Variants in FIGNL2 observed in about 807,000 individuals in gnomAD.
The protein encoded by FIGNL2 is fidgetin-like protein 2.
For synonymous variants in FIGNL2, 565 were observed against 484.0 expected, an observed-to-expected ratio of 1.17 and a Z score of -2.20; for missense variants, 1,060 against 950.2, an observed-to-expected ratio of 1.12 and a Z score of -1.52.
chr12:51,820,346 T>C lies in FIGNL2; in HGVS notation c.*106A>G. ...ACCCCTCCTGTCCCCGATCCCACAT[T>C]CACCACTCCAGCCCCTGCCAGCCGG... On this transcript the variant is annotated 3_prime_UTR_variant, in exon 2 of 2. Coordinates refer to ENST00000618634, the MANE Select transcript of FIGNL2 (RefSeq NM_001384995.1). 1 of 1,413,614 alleles carries C rather than the reference T, an allele frequency of 7.1e-7. No homozygotes were observed. Among genetic ancestry groups the C allele is most frequent in the Admixed American group, 2.6e-5 (1 of 38,806 alleles). 87.6% of individuals were successfully genotyped at this position (1,413,614 alleles called of 1,614,324 possible). A position where few individuals can be genotyped will look rare whatever the true frequency, so the allele number is the denominator to read the frequency against.
chr12:51,821,945 C>T lies in FIGNL2; in HGVS notation c.469G>A (p.Glu157Lys), dbSNP rs1458987776. ...NACGGPSAAP[E>K]YAAGYGGGYL... ...CCCCCGCCGTAGCCGGCCGCGTACT[C>T]GGGCGCCGCCGATGGGCCCCCGCAC... Residue 157 changes from glutamate (E) to lysine (K), a missense_variant, in exon 2 of 2, where the codon GAG becomes AAG. By Grantham distance (56) the Glu-to-Lys change is moderately conservative. Transcript: ENST00000618634. 1.3e-6 allele frequency: 2 copies of T among 1,523,790 alleles called. No homozygotes were observed. Among genetic ancestry groups the T allele is most frequent in the South Asian group, 1.2e-5 (1 of 81,802 alleles). The allele number at this position is 1,523,790 out of a possible 1,614,324, so 94.4% of individuals were successfully genotyped here.
intron 1 of FIGNL2, chr12:51,837,825 C>T (rs527336637): frequency 2.0e-5 from 3 of 152,282 alleles, no homozygotes; most frequent in Non-Finnish European, 4.4e-5. Flanking sequence ...ACCCTAGTCC[C>T]TGCCACCAAA....
Position 51,821,984 on chromosome 12 carries a change from A to T in FIGNL2, c.430T>A (p.Tyr144Asn). Residue 144 changes from tyrosine (Y) to asparagine (N), a missense_variant, in exon 2 of 2, where the codon TAC (tyrosine) becomes AAC (asparagine). Transcript: ENST00000618634. Reference sequence around the variant, plus strand: ...GGGCCCCCGCACGCATTGCCGGCGTAGAGGGGTTCAGGGAGGTTCCCGGCT... The same window carrying T: ...GGGCCCCCGCACGCATTGCCGGCGTTGAGGGGTTCAGGGAGGTTCCCGGCT... ...VLAGNLPEPL[Y>N]AGNACGGPSA... The T allele has an allele frequency of 6.3e-7, 1 of 1,576,412 alleles. No homozygotes were observed. The highest frequency in any genetic ancestry group is 8.6e-7 in the Non-Finnish European group (1 of 1,162,390).
At position 51,828,785 on chromosome 12, in the gene FIGNL2, G is replaced by C. The variant is rs1939396047; in HGVS notation, c.-11-6361C>G. Among the ~76,000 whole-genome samples the C allele has an allele frequency of 2.6e-5, 4 of 152,334 alleles. No individual in the cohort carries two copies. The South Asian group carries it at 8.3e-4, about 32-fold the overall frequency. ...GCTGTCACTCTGTGATCATGGCCAA[G>C]ACATGAGTTAACCTTACTAAACTCC... On this transcript the variant is annotated intron_variant, in intron 1 of 1. Transcript: ENST00000618634.
In FIGNL2 at chr12:51,819,203, T is replaced by G. The variant is rs536801822; in HGVS notation, c.*1249A>C. ...CTTTCTGCTTAGGTCACCTTCCCAT[T>G]TGGGCCCTCCCACCCTACCTTCTGG... On this transcript the variant is annotated 3_prime_UTR_variant, in exon 2 of 2. Coordinates refer to ENST00000618634, the MANE Select transcript of FIGNL2 (RefSeq NM_001384995.1). The G allele has an allele frequency of 3.9e-5, 6 of 152,294 alleles. No individual in the cohort carries two copies. The South Asian group carries it at 1.2e-3, about 32-fold the overall frequency. The allele number at this position is 152,294 out of a possible 1,614,324, so 9.4% of individuals were successfully genotyped here.
At chr12:51,829,090 G>A (rs564335947) in intron 1 of FIGNL2, among the ~76,000 whole-genome samples, 4 of 152,364 alleles carry the variant, frequency 2.6e-5, no homozygotes, top group African/African-American at 9.6e-5. Flanking sequence ...GCAGCTGTGA[G>A]TCGGCTCCAG....
intron 1 of FIGNL2, among the ~76,000 whole-genome samples, chr12:51,830,297 AAAG>A (rs1219502662): frequency 2.2e-4 from 33 of 150,712 alleles, no homozygotes; most frequent in East Asian, 1.9e-4. Context: ...TCAAAAAAAA[AAAG>A]AAGAAGAAGA....
Position 51,821,230 on chromosome 12 carries a change from G to C in FIGNL2, c.1184C>G (p.Ala395Gly). 6.6e-7 allele frequency: 1 copy of C among 1,523,574 alleles called. No individual in the cohort carries two copies. The allele number at this position is 1,523,574 out of a possible 1,614,324, so 94.4% of individuals were successfully genotyped here. A position where few individuals can be genotyped will look rare whatever the true frequency, so the allele number is the denominator to read the frequency against. ...CGCCGCCTTGAGCGCGCCCTGGCCC[G>C]CCACATCCGCCCACTGCACCGGGGG... is the stretch of plus-strand genomic sequence containing the variant. ...CGPPVQWADVAGQGALKAALE... is the reference protein window; with the variant it reads ...CGPPVQWADVGGQGALKAALE... Residue 395 changes from alanine to glycine, a missense_variant, in exon 2 of 2, where the codon GCG becomes GGG. Coordinates refer to ENST00000618634, the MANE Select transcript of FIGNL2 (RefSeq NM_001384995.1).
intron 1 of FIGNL2, among the ~76,000 whole-genome samples, chr12:51,837,613 C>G (rs899830771): frequency 2.6e-5 from 4 of 152,234 alleles, no homozygotes; most frequent in South Asian, 2.1e-4. Flanking sequence ...CTCCCCACCC[C>G]CTTCTTCCCA....
chr12:51,822,324 G>C lies in FIGNL2; in HGVS notation c.90C>G (p.His30Gln), dbSNP rs1387912001. Residue 30 changes from histidine (H) to glutamine (Q), a missense_variant, in exon 2 of 2, where the codon CAC becomes CAG. His to Gln is a conservative substitution (Grantham distance 24). Transcript: ENST00000618634. Reference protein sequence around the residue: ...DVSSTTPSPAHKLELPPGGRQ... With the variant: ...DVSSTTPSPAQKLELPPGGRQ... ...GACCCCCAGGGGGCAACTCCAACTT[G>C]TGGGCCGGCGACGGGGTGGTGGAGG... 1.2e-6 allele frequency: 2 copies of C among 1,613,138 alleles called. No individual in the cohort carries two copies. The highest frequency in any genetic ancestry group is 8.5e-7 in the Non-Finnish European group (1 of 1,179,630).
chr12:51,847,381 T>TC (rs1231766192), intron 1 of FIGNL2: 1 of 984,774 alleles, frequency 1.0e-6, no homozygotes, highest in East Asian at 1.1e-4. Flanking sequence ...TGGAACCGGG[T>TC]CCCCACTCCT....
intron 1 of FIGNL2, chr12:51,844,603 T>A: frequency 2.6e-6 from 2 of 761,796 alleles, no homozygotes; most frequent in Non-Finnish European, 3.2e-6. Context: ...TTCACTCTAT[T>A]TTCTCACCTC....
chr12:51,846,705 T>C (rs1357378859), intron 1 of FIGNL2, among the ~76,000 whole-genome samples: 2 of 151,678 alleles, frequency 1.3e-5, no homozygotes, highest in Admixed American at 1.3e-4. Context: ...TCTCAGCCCC[T>C]TCTGTTTCTT....
intron 1 of FIGNL2, chr12:51,844,944 G>T: frequency 2.2e-6 from 2 of 895,646 alleles, no homozygotes; most frequent in Non-Finnish European, 2.7e-6. Context: ...GGAAACCCAG[G>T]CTGCAGGCAT....
chr12:51,840,492 T>C (rs865863030), intron 1 of FIGNL2, among the ~76,000 whole-genome samples: 2 of 152,076 alleles, frequency 1.3e-5, no homozygotes, highest in Non-Finnish European at 2.9e-5. Context: ...TCCCAACACT[T>C]TGGGAGGCTG....
chr12:51,820,374 T>G lies in FIGNL2; in HGVS notation c.*78A>C. ...CCACTCCAGCCCCTGCCAGCCGGGT[T>G]TAGTCAGTGACATCCCTCCCACGCG... On this transcript the variant is annotated 3_prime_UTR_variant, in exon 2 of 2. Coordinates refer to ENST00000618634, the MANE Select transcript of FIGNL2 (RefSeq NM_001384995.1). 1 of 1,524,022 alleles carries G rather than the reference T, an allele frequency of 6.6e-7. No homozygotes were observed. The highest frequency in any genetic ancestry group is 8.8e-7 in the Non-Finnish European group (1 of 1,140,644). 94.4% of individuals were successfully genotyped at this position (1,524,022 alleles called of 1,614,324 possible). A position where few individuals can be genotyped will look rare whatever the true frequency, so the allele number is the denominator to read the frequency against.
chr12:51,821,161 T>C lies in FIGNL2; in HGVS notation c.1253A>G (p.Tyr418Cys). ...CCGCGGCGGGCGCAGGCTGCCCGGGTAGGCGGGCGGCCTGAGCAGGGGCCA... is the reference window on the plus strand; with the variant it reads ...CCGCGGCGGGCGCAGGCTGCCCGGGCAGGCGGGCGGCCTGAGCAGGGGCCA... The part of the protein sequence containing the change: ...LVWPLLRPPA[Y>C]PGSLRPPRTV... Residue 418 changes from tyrosine to cysteine, a missense_variant, in exon 2 of 2, where the codon TAC (tyrosine) becomes TGC (cysteine). Coordinates refer to ENST00000618634, the MANE Select transcript of FIGNL2 (RefSeq NM_001384995.1). 6.8e-7 allele frequency: 1 copy of C among 1,474,950 alleles called. No homozygotes were observed. The highest frequency in any genetic ancestry group is 1.5e-5 in the African/African-American group (1 of 66,834). 91.4% of individuals were successfully genotyped at this position (1,474,950 alleles called of 1,614,324 possible). A position where few individuals can be genotyped will look rare whatever the true frequency, so the allele number is the denominator to read the frequency against.
intron 1 of FIGNL2, among the ~76,000 whole-genome samples, chr12:51,830,023 T>C (rs996011043): frequency 1.3e-5 from 2 of 152,126 alleles, no homozygotes; most frequent in Non-Finnish European, 2.9e-5. Context: ...GTGTGGTGGC[T>C]CATGCCTGTA....
chr12:51,820,530 G>A lies in FIGNL2; in HGVS notation c.1884C>T (p.Ala628=). The part of the protein sequence containing the change: ...LSYKDLEAAL[A]KVGPRASAKE... ...TGGCAGAGGCCCTAGGGCCCACCTT[G>A]GCCAGCGCCGCCTCCAGGTCCTTGT... The change falls in exon 2 of 2, where the codon GCC becomes GCT. Residue 628 remains alanine, a synonymous_variant. Coordinates refer to ENST00000618634, the MANE Select transcript of FIGNL2 (RefSeq NM_001384995.1). 6.4e-7 allele frequency: 1 copy of A among 1,558,148 alleles called. No individual in the cohort carries two copies. Among genetic ancestry groups the A allele is most frequent in the Non-Finnish European group, 8.6e-7 (1 of 1,159,594 alleles).
Sources: allele counts gnomAD v4.1 joint callset (sites outside exome capture counted in the v4.1 genomes callset), GRCh38; gene constraint gnomAD v4.1.1; transcripts MANE v1.5; gene names NCBI Gene and HGNC (gene_info 2026-07-23, HGNC 2026-07-21).